Variants in SNTB1 observed in about 807,000 individuals in gnomAD.
SNTB1 encodes the protein beta-1-syntrophin.
SNTB1 carries 36 observed loss-of-function variants against 48.9 expected under a neutral mutation model. The ratio of observed to expected loss-of-function variants is 0.74; its 90% CI spans 0.56 to 0.97. The LOEUF (loss-of-function observed/expected upper bound fraction) is 0.97, where lower values mean the gene tolerates loss of function less well. Among genes scored for constraint, SNTB1 ranks in the 50% least tolerant of loss-of-function variants. SNTB1 has a pLI of 0.00. For synonymous variants in SNTB1, 299 were observed against 294.6 expected, an observed-to-expected ratio of 1.01 and a Z score of -0.15; for missense variants, 786 against 703.4, an observed-to-expected ratio of 1.12 and a Z score of -1.33.
chr8:120,632,698 T>C (rs1297323100), intron 2 of SNTB1, 47 bp from the exon 3 acceptor site: 31 of 1,535,120 alleles, frequency 2.0e-5, no homozygotes, highest in Non-Finnish European at 2.8e-5. Flanking sequence ...TGGCAGGTCC[T>C]GCTTCGTCAA....
At chr8:120,596,972 A>G (rs906367617) in intron 3 of SNTB1, among the ~76,000 whole-genome samples, 3 of 152,212 alleles carry the variant, frequency 2.0e-5, no homozygotes, top group African/African-American at 7.2e-5. Context: ...AATGATGTTC[A>G]TGTCCCAATA....
intron 1 of SNTB1, among the ~76,000 whole-genome samples, chr8:120,755,954 G>A (rs1819311691): frequency 6.6e-6 from 1 of 152,160 alleles, no homozygotes; most frequent in African/African-American, 2.4e-5. Flanking sequence ...CCAGCAAGTG[G>A]TTGAGCTAGA....
chr8:120,734,446 C>CAAA (rs58092888), intron 1 of SNTB1, among the ~76,000 whole-genome samples: 29 of 109,612 alleles, frequency 2.6e-4, no homozygotes, highest in East Asian at 2.1e-3. Flanking sequence ...GATTCTGTCT[C>CAAA]AAAAAAAAAA....
intron 5 of SNTB1, among the ~76,000 whole-genome samples, chr8:120,545,630 G>C (rs1220331591): frequency 6.6e-6 from 1 of 152,186 alleles, no homozygotes; most frequent in Non-Finnish European, 1.5e-5. Flanking sequence ...GGGAAATCCT[G>C]TTCCTCTAAA....
chr8:120,679,959 A>T (rs11783798), intron 2 of SNTB1, among the ~76,000 whole-genome samples: 44,711 of 151,898 alleles, frequency 0.29, 7,531 homozygotes, highest in Admixed American at 0.37. Flanking sequence ...TAAACCTCCC[A>T]TTCTTCAAGG....
At position 120,632,611 on chromosome 8, in the gene SNTB1, T is replaced by C; in HGVS notation, c.829A>G (p.Ile277Val). The C allele has an allele frequency of 6.2e-7, 1 of 1,614,118 alleles. No homozygotes were observed. Among genetic ancestry groups the C allele is most frequent in the Non-Finnish European group, 8.5e-7 (1 of 1,180,020 alleles). ...GTGGCTGAGTCCTTGCTCCTTAGGA[T>C]CACCGTGTGCTTAGCATCTGGAGAG... ...IHSPDAKHTV[I>V]LRSKDSATAQ... The change falls in exon 3 of 7, where the codon ATC (isoleucine) becomes GTC (valine). Residue 277 changes from isoleucine to valine, a missense_variant. Transcript: ENST00000517992.
At chr8:120,583,439 G>T (rs778687608) in intron 3 of SNTB1, among the ~76,000 whole-genome samples, 17 of 151,698 alleles carry the variant, frequency 1.1e-4, no homozygotes, top group Non-Finnish European at 1.6e-4. Context: ...TTGAACCCAG[G>T]GGGTGGAGGT....
chr8:120,548,556 A>G (rs1228741556), intron 5 of SNTB1, among the ~76,000 whole-genome samples: 1 of 152,176 alleles, frequency 6.6e-6, no homozygotes, highest in Admixed American at 6.5e-5. Context: ...TCTTGAATGA[A>G]GGTAGGATAA....
At chr8:120,686,544 T>C (rs1021372358) in intron 2 of SNTB1, among the ~76,000 whole-genome samples, 10 of 149,278 alleles carry the variant, frequency 6.7e-5, no homozygotes, top group African/African-American at 2.4e-4. Flanking sequence ...AAAGGTCTCA[T>C]CTCTTAACAT....
At chr8:120,606,407 ATATG>A (rs1218336799) in intron 3 of SNTB1, among the ~76,000 whole-genome samples, 30 of 63,284 alleles carry the variant, frequency 4.7e-4, no homozygotes, top group South Asian at 4.1e-3. Flanking sequence ...GTGTGTGTAT[ATATG>A]TGTGTGTGTG....
At chr8:120,752,879 C>T (rs984061013) in intron 1 of SNTB1, among the ~76,000 whole-genome samples, 4 of 151,234 alleles carry the variant, frequency 2.6e-5, no homozygotes, top group East Asian at 2.0e-4. Flanking sequence ...GTACTATACT[C>T]GCTACCTGGG....
intron 2 of SNTB1, among the ~76,000 whole-genome samples, chr8:120,690,083 A>G (rs1422711398): frequency 6.6e-6 from 1 of 152,212 alleles, no homozygotes; most frequent in Admixed American, 6.5e-5. Flanking sequence ...CAAAATAAGT[A>G]CAATAAAATA....
At position 120,537,844 on chromosome 8, in the gene SNTB1, C is replaced by T. The variant is rs1268151994; in HGVS notation, c.*1033G>A. On this transcript the variant is annotated 3_prime_UTR_variant, in exon 7 of 7. Coordinates refer to ENST00000517992, the MANE Select transcript of SNTB1 (RefSeq NM_021021.4). ...ATACTGTCAATAGATTTGATTATAG[C>T]ATTCAGTCTATATGTAAAACCCAGC... is the stretch of plus-strand genomic sequence containing the variant. The T allele has an allele frequency of 6.6e-6, 1 of 152,182 alleles. No homozygotes were observed. The highest frequency in any genetic ancestry group is 2.4e-5 in the African/African-American group (1 of 41,432). 9.4% of individuals were successfully genotyped at this position (152,182 alleles called of 1,614,324 possible).
At chr8:120,797,197 A>G (rs1396273020) in intron 1 of SNTB1, among the ~76,000 whole-genome samples, 1 of 152,048 alleles carries the variant, frequency 6.6e-6, no homozygotes, top group Non-Finnish European at 1.5e-5. Context: ...GTGTCCTGTC[A>G]TTTCATATCT....
chr8:120,613,293 G>A (rs933996820), intron 3 of SNTB1, among the ~76,000 whole-genome samples: 6 of 152,066 alleles, frequency 3.9e-5, no homozygotes, highest in African/African-American at 1.2e-4. Context: ...GGAGGCTGCA[G>A]TGAGCCGGGA....
At chr8:120,672,034 C>A (rs1817767021) in intron 2 of SNTB1, among the ~76,000 whole-genome samples, 1 of 152,170 alleles carries the variant, frequency 6.6e-6, no homozygotes, top group Non-Finnish European at 1.5e-5. Flanking sequence ...AACCTCCCTG[C>A]TTTTTCACTT....
At chr8:120,586,871 A>C (rs979048677) in intron 3 of SNTB1, among the ~76,000 whole-genome samples, 1 of 152,202 alleles carries the variant, frequency 6.6e-6, no homozygotes. Flanking sequence ...AATAGTGACA[A>C]TTGTTGAAAC....
At chr8:120,811,134 C>T in intron 1 of SNTB1, 139 bp downstream of exon 1, 1 of 1,206,148 alleles carries the variant, frequency 8.3e-7, no homozygotes, top group Non-Finnish European at 1.1e-6. Flanking sequence ...CCACCCTTCC[C>T]CCCCCCCCAA....
At chr8:120,713,972 A>C (rs974046284) in intron 1 of SNTB1, among the ~76,000 whole-genome samples, 1 of 152,346 alleles carries the variant, frequency 6.6e-6, no homozygotes, top group Non-Finnish European at 1.5e-5. Flanking sequence ...AGAGAGTGTT[A>C]GAGCCAGGAA....
Sources: allele counts gnomAD v4.1 joint callset (sites outside exome capture counted in the v4.1 genomes callset), GRCh38; gene constraint gnomAD v4.1.1; transcripts MANE v1.5; gene names NCBI Gene and HGNC (gene_info 2026-07-23, HGNC 2026-07-21).